The following TAL1 variants were observed in gnomAD, a reference collection of about 807,000 sequenced individuals.
TAL1 encodes the protein TAL bHLH transcription factor 1, erythroid differentiation factor.
In TAL1, 8 loss-of-function variants were observed where a neutral mutation model predicts 17.9. The observed-to-expected ratio is 0.45, with a 90% confidence interval of 0.26 to 0.81. TAL1 has a LOEUF of 0.81. TAL1 is among the 30% of genes least tolerant of loss of function. The probability of loss-of-function intolerance (pLI) is 0.17; values close to 1 mark genes in which losing one functional copy is unlikely to be tolerated. For synonymous variants in TAL1, 223 were observed against 218.6 expected, an observed-to-expected ratio of 1.02 and a Z score of -0.18; for missense variants, 466 against 486.9, an observed-to-expected ratio of 0.96 and a Z score of 0.40.
upstream of TAL1, chr1:47,230,828 T>TA (rs1471996826): frequency 1.3e-5 from 2 of 152,142 alleles, no homozygotes; most frequent in Non-Finnish European, 2.9e-5. Flanking sequence ...AGGGCCCCAC[T>TA]AACCCGGTCC....
exon 4 of TAL1, chr1:47,218,238 G>T (rs936412936): frequency 3.0e-5 from 7 of 233,444 alleles, no homozygotes; most frequent in African/African-American, 1.3e-4. Flanking sequence ...AGACATACAG[G>T]ACTTCTGTGC....
rs191020549 is a variant in TAL1, at chr1:47,218,651, G to A, written c.*1069C>T. 1,220 of 232,758 alleles carry A rather than the reference G, an allele frequency of 5.2e-3. 6 individuals carry two copies. The highest frequency in any genetic ancestry group is 0.013 in the South Asian group (72 of 5,520). 14.4% of individuals were successfully genotyped at this position (232,758 alleles called of 1,614,324 possible). ...AGGCTGGATCCTGGTCCTATTGAGC[G>A]CTAAAGATTCCACCAATAACTGAAG... On this transcript the variant is annotated 3_prime_UTR_variant, in exon 4 of 4. Transcript: ENST00000294339.
At position 47,219,894 on chromosome 1, in the gene TAL1, G is replaced by GGCCCCCCCCCCCCCCCCCCC; in HGVS notation, c.821_822insGGGGGGGGGGGGGGGGGGGC (p.Ala275GlyfsTer177). The stretch of plus-strand genomic sequence containing the variant: ...CTTGCAGGAGGTCATCTGGGGGCGC[G>GGCCCCCCCCCCCCCCCCCCC]CCGCCCCCTCCCCCACCTCCACCCC... On this transcript the variant is annotated frameshift_variant, in exon 4 of 4. Coordinates refer to ENST00000294339, the Ensembl canonical transcript of TAL1. LOFTEE classifies it high-confidence loss of function. 1.3e-6 allele frequency: 2 copies of GGCCCCCCCCCCCCCCCCCCC among 1,555,998 alleles called. No homozygotes were observed. The highest frequency in any genetic ancestry group is 1.7e-6 in the Non-Finnish European group (2 of 1,149,562).
At chr1:47,231,097 G>C (rs537975766), upstream of TAL1, 1 of 163,940 alleles carries the variant, frequency 6.1e-6, no homozygotes, top group Non-Finnish European at 1.3e-5. Flanking sequence ...CGCAGCTACC[G>C]GCTCGAAGGC....
chr1:47,230,283 T>C (rs1482861102), upstream of TAL1: 1 of 152,238 alleles, frequency 6.6e-6, no homozygotes, highest in Non-Finnish European at 1.5e-5. Context: ...CTTGCTTTTA[T>C]TTTTTCCTAG....
chr1:47,228,341 C>T lies in TAL1; in HGVS notation c.-2+855G>A, dbSNP rs536519095. On this transcript the variant is annotated intron_variant, in intron 1 of 3. Coordinates refer to ENST00000294339, the Ensembl canonical transcript of TAL1. ...ACTTGATTTGGATTACAGAAAGGAA[C>T]GCCCGAGAGATTTTGTTTGTTTTTA... 346 of 181,016 alleles carry T rather than the reference C, an allele frequency of 1.9e-3. 1 individual carries two copies. Among genetic ancestry groups the T allele is most frequent in the Non-Finnish European group, 3.0e-3 (251 of 84,684 alleles). 11.2% of individuals were successfully genotyped at this position (181,016 alleles called of 1,614,324 possible).
At chr1:47,224,536 C>T (rs1174643578) in intron 2 of TAL1, among the ~76,000 whole-genome samples, 1 of 152,164 alleles carries the variant, frequency 6.6e-6, no homozygotes. Context: ...GTAACCTTCA[C>T]ACCTGATGGT....
At chr1:47,223,400 C>T (rs1643863987) in intron 3 of TAL1, 1 of 152,362 alleles carries the variant, frequency 6.6e-6, no homozygotes, top group South Asian at 2.1e-4. Flanking sequence ...GGAGCAGTGC[C>T]AAGGCCCTTC....
intron 2 of TAL1, among the ~76,000 whole-genome samples, chr1:47,224,662 C>T (rs1430230412): frequency 6.6e-6 from 1 of 152,178 alleles, no homozygotes; most frequent in Non-Finnish European, 1.5e-5. Flanking sequence ...AGCTGAAATG[C>T]TCCGCCTAGC....
chr1:47,228,478 A>T (rs930901074), intron 1 of TAL1: 1 of 192,586 alleles, frequency 5.2e-6, no homozygotes, highest in Non-Finnish European at 1.1e-5. Flanking sequence ...AGCCCCCAAC[A>T]GGAAATCCTC....
chr1:47,226,064 T>C, intron 1 of TAL1, 175 bp from the exon 3 acceptor site: 1 of 494,506 alleles, frequency 2.0e-6, no homozygotes, highest in Non-Finnish European at 3.4e-6. Context: ...CGGTTGGGGC[T>C]AGGGTGGGAG....
exon 4 of TAL1, chr1:47,217,285 G>A: frequency 2.6e-6 from 1 of 381,152 alleles, no homozygotes. Flanking sequence ...CTACTCGGGA[G>A]GCTGAGGTGA....
At chr1:47,229,925 C>CTG (rs1021530480), upstream of TAL1, 1 of 152,300 alleles carries the variant, frequency 6.6e-6, no homozygotes, top group African/African-American at 2.4e-5. Context: ...ATTCCAGGGG[C>CTG]TGTACTTTCC....
chr1:47,219,090 C>T (rs1488641068), exon 4 of TAL1: 4 of 332,792 alleles, frequency 1.2e-5, no homozygotes, highest in Non-Finnish European at 2.3e-5. Context: ...GTAAGGGCGA[C>T]TGGGTTTCCT....
rs777427139 is a variant in TAL1, at chr1:47,219,911, C to T, written c.805G>A (p.Gly269Ser). ...GGGGGCGCGCCGCCCCCTCCCCCACCTCCACCCCCACCAGCCCCCACCACA... is the reference window on the plus strand; with the variant it reads ...GGGGGCGCGCCGCCCCCTCCCCCACTTCCACCCCCACCAGCCCCCACCACA... Residue 269 changes from glycine to serine, a missense_variant, in exon 4 of 4, where the codon GGT (glycine) becomes AGT (serine). By Grantham distance (56) the Gly-to-Ser change is moderately conservative (BLOSUM62 0). This residue lies in a region of TAL1 where 134 missense variants were observed against 122.0 expected (regional missense o/e 1.10). Transcript: ENST00000294339. The T allele has an allele frequency of 1.8e-4, 264 of 1,494,536 alleles. 1 individual carries two copies. The highest frequency in any genetic ancestry group is 1.5e-4 in the Non-Finnish European group (165 of 1,112,586). 92.6% of individuals were successfully genotyped at this position (1,494,536 alleles called of 1,614,324 possible). A position where few individuals can be genotyped will look rare whatever the true frequency, so the allele number is the denominator to read the frequency against.
chr1:47,230,766 T>C (rs1450149522), upstream of TAL1: 1 of 152,220 alleles, frequency 6.6e-6, no homozygotes, highest in Non-Finnish European at 1.5e-5. Context: ...GTGATGGTGA[T>C]GGCATTAGCA....
chr1:47,219,635 C>G (rs769235043), exon 4 of TAL1: 1 of 1,576,428 alleles, frequency 6.3e-7, no homozygotes, highest in Non-Finnish European at 8.6e-7. Context: ...TCAGAGCCGC[C>G]CAATTCTCAC....
exon 4 of TAL1, chr1:47,219,482 G>T: frequency 1.4e-6 from 1 of 706,322 alleles, no homozygotes; most frequent in Non-Finnish European, 2.5e-6. Flanking sequence ...GGAAGACCGT[G>T]CCGTCTTCAC....
intron 1 of TAL1, 66 bp from the exon 3 acceptor site, chr1:47,225,955 G>A: frequency 2.0e-6 from 3 of 1,500,412 alleles, no homozygotes; most frequent in Non-Finnish European, 2.7e-6. Flanking sequence ...ACCGACGTGG[G>A]CTGGGGTAAA....
Sources: gnomAD v4.1 joint callset for allele counts (sites outside exome capture counted in the v4.1 genomes callset) on GRCh38, gnomAD v4.1.1 for gene constraint, gnomAD v4.1.1 regional missense constraint, MANE v1.5 for transcripts, NCBI Gene and HGNC (gene_info 2026-07-23, HGNC 2026-07-21) for gene names.